The following SOX5 variants were observed in gnomAD, a reference collection of about 807,000 sequenced individuals.
The protein encoded by SOX5 is SRY-box transcription factor 5.
Under a neutral mutation model 92.0 loss-of-function variants are expected in SOX5, and 9 were observed. The observed-to-expected ratio is 0.10, with a 90% CI of 0.06 to 0.17. The LOEUF (loss-of-function observed/expected upper bound fraction) is 0.17, where lower values mean the gene tolerates loss of function less well. SOX5 is among the 10% of genes least tolerant of loss of function. SOX5 has a pLI of 1.00. For missense variants in SOX5, 642 were observed against 944.5 expected (o/e 0.68, Z 4.20); for synonymous variants, 344 against 336.3 (o/e 1.02, Z -0.25).
At chr12:24,245,227 G>C (rs939478825) in intron 3 of SOX5, among the ~76,000 whole-genome samples, 25 of 134,304 alleles carry the variant, frequency 1.9e-4, no homozygotes, top group Non-Finnish European at 3.1e-4. Context: ...ATTTGTGTTT[G>C]GAGAGATTTG....
chr12:24,031,445 T>C (rs1955501581), intron 4 of SOX5, among the ~76,000 whole-genome samples: 1 of 151,818 alleles, frequency 6.6e-6, no homozygotes, highest in Admixed American at 6.6e-5. Context: ...AGACAAATAC[T>C]GTATGTTCTA....
At chr12:24,181,571 T>C (rs1270182988) in intron 4 of SOX5, among the ~76,000 whole-genome samples, 1 of 152,196 alleles carries the variant, frequency 6.6e-6, no homozygotes, top group East Asian at 1.9e-4. Context: ...TTTCCTCCTA[T>C]GTATATGAGG....
chr12:24,091,498 C>T (rs187022303), intron 4 of SOX5, among the ~76,000 whole-genome samples: 12 of 141,278 alleles, frequency 8.5e-5, no homozygotes, highest in Admixed American at 6.1e-4. Flanking sequence ...GGCGCGATCT[C>T]GGCTCACTGC....
At chr12:24,110,468 G>A (rs942687389) in intron 4 of SOX5, among the ~76,000 whole-genome samples, 2 of 152,220 alleles carry the variant, frequency 1.3e-5, no homozygotes, top group African/African-American at 2.4e-5. Flanking sequence ...TCTGGGAAGA[G>A]ACAATAACAA....
chr12:23,568,343 G>T (rs565993696), intron 10 of SOX5, among the ~76,000 whole-genome samples: 1 of 152,124 alleles, frequency 6.6e-6, no homozygotes, highest in Non-Finnish European at 1.5e-5. Flanking sequence ...AATAGCAAGA[G>T]AATAAATTTC....
chr12:24,173,233 G>C (rs1432475096), intron 4 of SOX5, among the ~76,000 whole-genome samples: 1 of 152,194 alleles, frequency 6.6e-6, no homozygotes, highest in Non-Finnish European at 1.5e-5. Context: ...CAGCCTAATA[G>C]CATGAAAGAA....
intron 4 of SOX5, among the ~76,000 whole-genome samples, chr12:23,968,685 T>C (rs1490716066): frequency 6.6e-6 from 1 of 152,254 alleles, no homozygotes; most frequent in African/African-American, 2.4e-5. Context: ...CAGTCTTGGA[T>C]ATTCTGTTAC....
chr12:23,708,326 A>C (rs561177044), intron 6 of SOX5, among the ~76,000 whole-genome samples: 2 of 152,228 alleles, frequency 1.3e-5, no homozygotes, highest in Non-Finnish European at 2.9e-5. Flanking sequence ...ATAAAAAAAA[A>C]AACAAACACA....
intron 2 of SOX5, among the ~76,000 whole-genome samples, chr12:24,290,720 T>G (rs1346437000): frequency 6.6e-6 from 1 of 152,050 alleles, no homozygotes; most frequent in East Asian, 1.9e-4. Context: ...GGGAGAGATA[T>G]AAAAATAGAT....
chr12:24,179,961 G>T (rs1321013617), intron 4 of SOX5, among the ~76,000 whole-genome samples: 2 of 150,444 alleles, frequency 1.3e-5, no homozygotes, highest in Non-Finnish European at 3.0e-5. Flanking sequence ...AAAAAGAAAA[G>T]AAAAGTTATG....
chr12:23,963,534 T>A (rs1314732612), intron 4 of SOX5, among the ~76,000 whole-genome samples: 1 of 152,114 alleles, frequency 6.6e-6, no homozygotes, highest in Non-Finnish European at 1.5e-5. Context: ...AAATTCAGTA[T>A]CAGGGAGGAC....
At chr12:24,049,506 T>C (rs945970874) in intron 4 of SOX5, among the ~76,000 whole-genome samples, 54 of 152,122 alleles carry the variant, frequency 3.5e-4, no homozygotes, top group African/African-American at 1.3e-3. Context: ...CCAATGAACA[T>C]GGCAAATTTG....
rs541137300 is a variant in SOX5 at position 24,319,156 on chromosome 12, C to T, written c.-173-41844G>A. The stretch of plus-strand genomic sequence containing the variant: ...ATGCCATGCTCTTCCATTCCTTTCA[C>T]CCCTCCCTTGTGTATCTAACTTTTG... On this transcript the variant is annotated intron_variant, in intron 2 of 4. Transcript: ENST00000446891. 4.2e-4 allele frequency among the ~76,000 whole-genome samples: 64 copies of T among 152,288 alleles called. 1 individual carries two copies. Among genetic ancestry groups the T allele is most frequent in the African/African-American group, 1.4e-3 (60 of 41,552 alleles).
intron 6 of SOX5, among the ~76,000 whole-genome samples, chr12:23,672,576 C>T (rs546293320): frequency 2.0e-5 from 3 of 152,122 alleles, no homozygotes; most frequent in African/African-American, 7.2e-5. Context: ...AGACACAGTG[C>T]AATTTTCTCT....
rs1411659775 is a variant in SOX5, at chr12:23,896,604, T to C, written c.39-580A>G. Reference sequence around the variant, plus strand: ...TGTTTAAAGCTTATTAAGGATTGAATAAATTTTACAATCACTGTTAATCTT... The same window carrying C: ...TGTTTAAAGCTTATTAAGGATTGAACAAATTTTACAATCACTGTTAATCTT... On this transcript the variant is annotated intron_variant, in intron 1 of 14. Coordinates refer to ENST00000451604, the MANE Select transcript of SOX5 (RefSeq NM_006940.6). Among the ~76,000 whole-genome samples the C allele has an allele frequency of 2.0e-5, 3 of 151,760 alleles. No homozygotes were observed. In the East Asian group the frequency reaches 5.8e-4, roughly 29 times the overall value.
At chr12:24,101,197 A>G (rs1444530149) in intron 4 of SOX5, among the ~76,000 whole-genome samples, 4 of 152,032 alleles carry the variant, frequency 2.6e-5, no homozygotes, top group Non-Finnish European at 4.4e-5. Context: ...TCCTGCCTCC[A>G]TCTCCAATTT....
chr12:24,058,282 G>A (rs138478578), intron 4 of SOX5, among the ~76,000 whole-genome samples: 110 of 152,218 alleles, frequency 7.2e-4, no homozygotes, highest in Admixed American at 1.5e-3. Flanking sequence ...ATTTTAAACC[G>A]ATGTGCACAA....
chr12:23,560,531 C>T (rs1191097803), intron 11 of SOX5, among the ~76,000 whole-genome samples: 1 of 152,176 alleles, frequency 6.6e-6, no homozygotes, highest in East Asian at 1.9e-4. Context: ...AATATGGAGT[C>T]TTTATTCAAT....
intron 9 of SOX5, chr12:23,582,061 T>C: frequency 2.7e-6 from 2 of 730,720 alleles, no homozygotes; most frequent in Non-Finnish European, 3.3e-6. Flanking sequence ...AAATTAATCA[T>C]GCTGCTGCTA....
Sources: gnomAD v4.1 joint callset for allele counts (sites outside exome capture counted in the v4.1 genomes callset) on GRCh38, gnomAD v4.1.1 for gene constraint, MANE v1.5 for transcripts, NCBI Gene and HGNC (gene_info 2026-07-23, HGNC 2026-07-21) for gene names.